Variants in SOCS7 observed in about 807,000 individuals in gnomAD.
SOCS7 encodes suppressor of cytokine signaling 7.
SOCS7 carries 18 observed loss-of-function variants against 58.9 expected under a neutral mutation model. The ratio of observed to expected loss-of-function variants is 0.31; its 90% CI spans 0.21 to 0.45. The LOEUF is 0.45. SOCS7 is among the 20% of genes least tolerant of loss of function. The pLI is 1.00. For missense variants in SOCS7, 667 were observed against 837.3 expected, an observed-to-expected ratio of 0.80 and a Z score of 2.51; for synonymous variants, 388 against 364.3, an observed-to-expected ratio of 1.06 and a Z score of -0.74.
chr17:38,366,871 A>G (rs1450818483), intron 5 of SOCS7, among the ~76,000 whole-genome samples: 3 of 152,204 alleles, frequency 2.0e-5, no homozygotes, highest in Non-Finnish European at 4.4e-5. Context: ...TGCTCCTGCT[A>G]TTAGTTCCAT....
At chr17:38,393,935 C>T (rs2038210619) in intron 7 of SOCS7, among the ~76,000 whole-genome samples, 1 of 152,162 alleles carries the variant, frequency 6.6e-6, no homozygotes, top group South Asian at 2.1e-4. Context: ...ACTATTTGAA[C>T]TTAAACCCCA....
chr17:38,368,483 A>G (rs41461048), intron 6 of SOCS7, among the ~76,000 whole-genome samples: 1,918 of 151,670 alleles, frequency 0.013, 38 homozygotes, highest in African/African-American at 0.043. Flanking sequence ...TGATCCTGTA[A>G]CTGTTCTGTT....
At chr17:38,377,104 T>G (rs1244950903) in intron 6 of SOCS7, among the ~76,000 whole-genome samples, 3 of 152,352 alleles carry the variant, frequency 2.0e-5, no homozygotes, top group African/African-American at 7.2e-5. Context: ...TCTCTGAACA[T>G]ATTTCTGTCA....
chr17:38,385,605 A>G (rs1199459718), intron 7 of SOCS7, among the ~76,000 whole-genome samples: 2 of 152,132 alleles, frequency 1.3e-5, no homozygotes, highest in Non-Finnish European at 2.9e-5. Flanking sequence ...TCTTTATAAT[A>G]ATCACTTCCT....
At chr17:38,397,691 A>G (rs142266556) in intron 9 of SOCS7, among the ~76,000 whole-genome samples, 2 of 152,342 alleles carry the variant, frequency 1.3e-5, no homozygotes, top group East Asian at 1.9e-4. Flanking sequence ...CCCAGTATGA[A>G]TTGAGAATAG....
At chr17:38,355,730 C>T (rs1555566730) in intron 1 of SOCS7, among the ~76,000 whole-genome samples, 1 of 152,206 alleles carries the variant, frequency 6.6e-6, no homozygotes, top group Admixed American at 6.5e-5. Context: ...CTATTCCCAA[C>T]ATCTGCCTTC....
At chr17:38,388,414 G>C (rs1297622693) in intron 7 of SOCS7, among the ~76,000 whole-genome samples, 1 of 152,022 alleles carries the variant, frequency 6.6e-6, no homozygotes, top group Non-Finnish European at 1.5e-5. Context: ...AGCTACTCAG[G>C]AGGCTGAGGC....
chr17:38,377,795 A>C lies in SOCS7; in HGVS notation c.1634A>C (p.His545Pro). ...VVEFIKRAIM[H>P]SKNGKFLYFL... Reference sequence around the variant, plus strand: ...GAGTTTATTAAGAGAGCCATTATGCACTCCAAGAATGGAAAGTTTCTCTAT... The same window carrying C: ...GAGTTTATTAAGAGAGCCATTATGCCCTCCAAGAATGGAAAGTTTCTCTAT... The change falls in exon 7 of 10, where the codon CAC (histidine) becomes CCC (proline). Residue 545 changes from histidine (H) to proline (P), a missense_variant. By Grantham distance (77) the His-to-Pro change is moderately conservative. Around this residue, in one of 9 missense-constraint regions of SOCS7, gnomAD observed 76 missense variants for 194.5 expected, o/e 0.39. Transcript: ENST00000612932. The C allele has an allele frequency of 2.5e-6, 4 of 1,613,548 alleles. No homozygotes were observed. Among genetic ancestry groups the C allele is most frequent in the Non-Finnish European group, 3.4e-6 (4 of 1,179,586 alleles).
intron 7 of SOCS7, among the ~76,000 whole-genome samples, chr17:38,390,185 T>G (rs538810963): frequency 6.6e-6 from 1 of 152,108 alleles, no homozygotes; most frequent in South Asian, 2.1e-4. Context: ...AGATACTCTT[T>G]CCCCATTGAA....
intron 7 of SOCS7, among the ~76,000 whole-genome samples, chr17:38,387,104 T>TAA (rs2038080615): frequency 7.4e-5 from 4 of 53,880 alleles, no homozygotes; most frequent in African/African-American, 2.5e-4. Flanking sequence ...AAAAAAAAAA[T>TAA]ATATATATAT....
At chr17:38,355,279 T>G (rs1157774834) in intron 1 of SOCS7, among the ~76,000 whole-genome samples, 1 of 152,196 alleles carries the variant, frequency 6.6e-6, no homozygotes, top group Non-Finnish European at 1.5e-5. Flanking sequence ...CTTGTTCCTG[T>G]CCTTATAAGA....
chr17:38,400,114 T>C lies in SOCS7; in HGVS notation c.*632T>C, dbSNP rs2038299610. 1 of 152,230 alleles carries C rather than the reference T, an allele frequency of 6.6e-6. No individual in the cohort carries two copies. Among genetic ancestry groups the C allele is most frequent in the Admixed American group, 6.5e-5 (1 of 15,280 alleles). The allele number at this position is 152,230 out of a possible 1,614,324, so 9.4% of individuals were successfully genotyped here. ...TGGGCAAAACCTAGCCAATTGGCCT[T>C]AGCTGGGAGAAGTAGTGACTCCTGC... On this transcript the variant is annotated 3_prime_UTR_variant, in exon 10 of 10. Transcript: ENST00000612932.
intron 6 of SOCS7, among the ~76,000 whole-genome samples, chr17:38,369,790 T>A (rs372000709): frequency 2.6e-5 from 4 of 151,106 alleles, no homozygotes; most frequent in African/African-American, 9.7e-5. Context: ...ATTCTTTTTT[T>A]GTTTGTTTTT....
intron 2 of SOCS7, among the ~76,000 whole-genome samples, chr17:38,362,838 C>T (rs587668204): frequency 9.2e-5 from 14 of 152,310 alleles, no homozygotes; most frequent in African/African-American, 2.6e-4. Flanking sequence ...GTCACGGTCA[C>T]GGTGGCTCAT....
chr17:38,355,979 G>A (rs894490356), intron 1 of SOCS7, among the ~76,000 whole-genome samples: 1 of 152,118 alleles, frequency 6.6e-6, no homozygotes, highest in African/African-American at 2.4e-5. Flanking sequence ...TGCTTCCCGG[G>A]TTCAAGCGAT....
At chr17:38,359,415 C>T (rs933609963) in intron 1 of SOCS7, among the ~76,000 whole-genome samples, 18 of 152,130 alleles carry the variant, frequency 1.2e-4, no homozygotes, top group Admixed American at 4.6e-4. Flanking sequence ...AGGAGAAAGA[C>T]GGACCAGGGT....
chr17:38,395,855 A>G lies in SOCS7; in HGVS notation c.1825A>G (p.Ile609Val). Residue 609 changes from isoleucine to valine, a missense_variant, in exon 9 of 10, where the codon ATC becomes GTC. Ile to Val is a conservative substitution (Grantham distance 29). This residue lies in a region of SOCS7 where 40 missense variants were observed against 45.6 expected (regional missense o/e 0.88). Transcript: ENST00000612932. The stretch of plus-strand genomic sequence containing the variant: ...GTCATTTGTTTTTCACAGACCTCTG[A>G]TCTCTTATATCCGAAAGTTCTACTA... ...IPDLPLPKPL[I>V]SYIRKFYYYD... is the part of the protein sequence containing the mutation. 1 of 1,609,938 alleles carries G rather than the reference A, an allele frequency of 6.2e-7. No individual in the cohort carries two copies. The highest frequency in any genetic ancestry group is 8.5e-7 in the Non-Finnish European group (1 of 1,178,954).
chr17:38,405,046 C>T lies in SOCS7; in HGVS notation c.*5564C>T, dbSNP rs1190588240. ...TCTGTCTCCGTTAGCCCCCCCTCTGCCCTCCTCCAAGCCAAAGCGTGGCCT... is the reference window on the plus strand; with the variant it reads ...TCTGTCTCCGTTAGCCCCCCCTCTGTCCTCCTCCAAGCCAAAGCGTGGCCT... On this transcript the variant is annotated 3_prime_UTR_variant, in exon 10 of 10. Transcript: ENST00000612932. The T allele has an allele frequency of 6.6e-6, 1 of 152,208 alleles. No homozygotes were observed. The highest frequency in any genetic ancestry group is 2.1e-4 in the South Asian group (1 of 4,828). The allele number at this position is 152,208 out of a possible 1,614,324, so 9.4% of individuals were successfully genotyped here. A position where few individuals can be genotyped will look rare whatever the true frequency, so the allele number is the denominator to read the frequency against.
At position 38,399,655 on chromosome 17, in the gene SOCS7, C is replaced by T. The variant is rs1160476044; in HGVS notation, c.*173C>T. On this transcript the variant is annotated 3_prime_UTR_variant, in exon 10 of 10. Coordinates refer to ENST00000612932, the MANE Select transcript of SOCS7 (RefSeq NM_014598.4). ...GCAGCCCTGGGGCTTGGAAGAAGCA[C>T]ATGACCGTACTCTGCGTGGGGCTCC... The T allele has an allele frequency of 6.6e-6, 1 of 152,664 alleles. No individual in the cohort carries two copies. The highest frequency in any genetic ancestry group is 2.4e-5 in the African/African-American group (1 of 41,460). The allele number at this position is 152,664 out of a possible 1,614,324, so 9.5% of individuals were successfully genotyped here. A position where few individuals can be genotyped will look rare whatever the true frequency, so the allele number is the denominator to read the frequency against.
Sources: gnomAD v4.1 joint callset for allele counts (sites outside exome capture counted in the v4.1 genomes callset) on GRCh38, gnomAD v4.1.1 for gene constraint, gnomAD v4.1.1 regional missense constraint, MANE v1.5 for transcripts, NCBI Gene and HGNC (gene_info 2026-07-23, HGNC 2026-07-21) for gene names.